The following RABL6 variants were observed in gnomAD, a reference collection of about 807,000 sequenced individuals.
RABL6 encodes rab-like protein 6.
In RABL6, 28 loss-of-function variants were observed where a neutral mutation model predicts 72.9. That is an observed-to-expected ratio of 0.38 (90% CI 0.28 to 0.53). RABL6 has a LOEUF of 0.53. RABL6 is among the 20% of genes least tolerant of loss of function. The pLI is 0.80. For missense variants in RABL6, 1,029 were observed against 1,008.4 expected (o/e 1.02, Z -0.28); for synonymous variants, 477 against 421.2 (o/e 1.13, Z -1.62).
In RABL6 at chr9:136,811,222, C is replaced by T. The variant is rs538579153; in HGVS notation, c.130+2896C>T. 3.9e-4 allele frequency among the ~76,000 whole-genome samples: 60 copies of T among 152,298 alleles called. No homozygotes were observed. The South Asian group carries it at 6.2e-3, about 16-fold the overall frequency. On this transcript the variant is annotated intron_variant, in intron 1 of 14. Coordinates refer to ENST00000311502, the MANE Select transcript of RABL6 (RefSeq NM_024718.5). ...ACAGCTTGGTTTTATACATTTTAGACATGAGACAGTAATCAAATACATTTA... is the reference window on the plus strand; with the variant it reads ...ACAGCTTGGTTTTATACATTTTAGATATGAGACAGTAATCAAATACATTTA...
intron 1 of RABL6, among the ~76,000 whole-genome samples, chr9:136,818,264 G>A (rs1161706616): frequency 6.7e-6 from 1 of 149,468 alleles, no homozygotes; most frequent in Non-Finnish European, 1.5e-5. Context: ...TTAGGAGGCT[G>A]AGGCAGGAGA....
intron 1 of RABL6, among the ~76,000 whole-genome samples, chr9:136,822,507 C>T (rs1848259391): frequency 6.6e-6 from 1 of 152,292 alleles, no homozygotes; most frequent in African/African-American, 2.4e-5. Context: ...CACAGCTTCT[C>T]GGTCATTCTC....
At position 136,837,369 on chromosome 9, in the gene RABL6, G is replaced by A. The variant is rs769570974; in HGVS notation, c.833G>A (p.Arg278His). 14 of 1,601,374 alleles carry A rather than the reference G, an allele frequency of 8.7e-6. No homozygotes were observed. Among genetic ancestry groups the A allele is most frequent in the South Asian group, 3.4e-5 (3 of 89,290 alleles). The change falls in exon 9 of 15, where the codon CGC (arginine) becomes CAC (histidine). Residue 278 changes from arginine (R) to histidine (H), a missense_variant. Physicochemically the swap from Arg to His is conservative, Grantham distance 29. Coordinates refer to ENST00000311502, the MANE Select transcript of RABL6 (RefSeq NM_024718.5). ...AGCTTCCTGGAGATGATGGAGGCTC[G>A]CAGCCGTGGCCATGCGTCCCCACTG... ...YGIFLEMMEA[R>H]SRGHASPLAA...
rs1848342086 is a variant in RABL6, at chr9:136,825,765, TCTCC to T, written c.266-11_266-8del. ...TCATGTTGGGCACTAATTTTAGGAT[TCTCC>T]CTGTTTCAGCCACGGATGACATCGT... is the stretch of plus-strand genomic sequence containing the variant. On this transcript the variant is annotated splice_polypyrimidine_tract_variant and intron_variant, in intron 2 of 14. Transcript: ENST00000311502. 2.5e-6 allele frequency: 4 copies of T among 1,612,966 alleles called. No individual in the cohort carries two copies. Among genetic ancestry groups the T allele is most frequent in the Non-Finnish European group, 2.5e-6 (3 of 1,179,020 alleles).
At chr9:136,832,861 T>A in intron 7 of RABL6, 1 of 318,054 alleles carries the variant, frequency 3.1e-6, no homozygotes, top group Non-Finnish European at 6.1e-6. Context: ...GCCTACGGAC[T>A]AAACTCACTT....
intron 7 of RABL6, chr9:136,834,076 T>A: frequency 7.1e-7 from 1 of 1,417,450 alleles, no homozygotes; most frequent in Non-Finnish European, 9.2e-7. Context: ...GCTATGGATG[T>A]GTTCAAGCAG....
rs1406950927 is a variant in RABL6 at position 136,826,545 on chromosome 9, G to C, written c.313+719G>C. 6.6e-6 allele frequency: 1 copy of C among 152,524 alleles called. No individual in the cohort carries two copies. The highest frequency in any genetic ancestry group is 1.5e-5 in the Non-Finnish European group (1 of 68,304). 9.4% of individuals were successfully genotyped at this position (152,524 alleles called of 1,614,324 possible). The stretch of plus-strand genomic sequence containing the variant: ...CGCATGCTCCCCTCCCTCCACCTGT[G>C]CTTTGTTGGGGTGGGTTTGGCCATG... On this transcript the variant is annotated intron_variant, in intron 3 of 14. Transcript: ENST00000311502. The surrounding 1 kb of genome is among the most constrained non-coding windows in gnomAD (Gnocchi z 4.9).
intron 1 of RABL6, chr9:136,808,780 C>T (rs142653434): frequency 6.6e-6 from 1 of 152,356 alleles, no homozygotes; most frequent in African/African-American, 2.4e-5. Flanking sequence ...CGGGATTTTT[C>T]TTTGTTGACT....
chr9:136,815,105 C>T (rs1213204771), intron 1 of RABL6: 2 of 232,810 alleles, frequency 8.6e-6, no homozygotes, highest in Non-Finnish European at 1.7e-5. Context: ...GGCAGGGGCA[C>T]CCGCTGCTGC....
At position 136,839,486 on chromosome 9, in the gene RABL6, G is replaced by A. The variant is rs761125142; in HGVS notation, c.1758G>A (p.Ala586=). ...AGGGATCAGACACACAGCGCAGGGC[G>A]GTAAGACGAGTCCTCCCGGGGCAGA... ...ESEGSDTQRR[A]DDFPVRDDPS... Residue 586 remains alanine (A), a splice_region_variant and synonymous_variant, in exon 12 of 15, where the codon GCG becomes GCA. Transcript: ENST00000311502. The A allele has an allele frequency of 1.4e-5, 22 of 1,607,216 alleles. No individual in the cohort carries two copies. The highest frequency in any genetic ancestry group is 3.3e-4 in the Middle Eastern group (2 of 6,038).
intron 2 of RABL6, among the ~76,000 whole-genome samples, chr9:136,824,174 T>C (rs1848301696): frequency 6.6e-6 from 1 of 151,784 alleles, no homozygotes; most frequent in South Asian, 2.1e-4. Context: ...TGGGCCTGGG[T>C]AGATGCGGGA....
At chr9:136,832,406 G>C in intron 7 of RABL6, 36 bp downstream of exon 7, 2 of 1,496,980 alleles carry the variant, frequency 1.3e-6, no homozygotes, top group Non-Finnish European at 9.3e-7. Context: ...GTGGCTGCTG[G>C]TCTCTCACCT....
At position 136,840,328 on chromosome 9, in the gene RABL6, G is replaced by A. The variant is rs928094095; in HGVS notation, c.1996G>A (p.Glu666Lys). 1.9e-6 allele frequency: 3 copies of A among 1,582,350 alleles called. No homozygotes were observed. The highest frequency in any genetic ancestry group is 1.1e-5 in the South Asian group (1 of 88,094). ...KKKKKGKEEE[E>K]KAAKKKSKHK... is the part of the protein sequence containing the mutation. Reference sequence around the variant, plus strand: ...CCATCCTTGTGCTCCTCAGGAAGAAGAAAAAGCTGCCAAGAAGAAGAGCAA... The same window carrying A: ...CCATCCTTGTGCTCCTCAGGAAGAAAAAAAAGCTGCCAAGAAGAAGAGCAA... The change falls in exon 15 of 15, where the codon GAA (glutamate) becomes AAA (lysine). Residue 666 changes from glutamate (E) to lysine (K), a missense_variant. Physicochemically the swap from Glu to Lys is moderately conservative, Grantham distance 56. Around this residue, in one of 2 missense-constraint regions of RABL6, gnomAD observed 595 missense variants for 472.4 expected, o/e 1.26. Coordinates refer to ENST00000311502, the MANE Select transcript of RABL6 (RefSeq NM_024718.5).
chr9:136,829,187 A>G (rs927352247), intron 4 of RABL6, among the ~76,000 whole-genome samples: 6 of 152,240 alleles, frequency 3.9e-5, no homozygotes, highest in Admixed American at 1.3e-4. Flanking sequence ...TTGTTCAGGG[A>G]GCCATCAGCG....
chr9:136,823,087 CA>C (rs11296242), intron 1 of RABL6, among the ~76,000 whole-genome samples: 97,230 of 122,676 alleles, frequency 0.79, 37,406 homozygotes, highest in East Asian at 0.85. Flanking sequence ...GACTCCGTCT[CA>C]AAAAAAAAAA....
chr9:136,823,025 T>C (rs1334878428), intron 1 of RABL6, among the ~76,000 whole-genome samples: 2 of 150,870 alleles, frequency 1.3e-5, no homozygotes, highest in Admixed American at 6.6e-5. Context: ...GAGGTGGAGC[T>C]TGCAGTGAGC....
intron 1 of RABL6, chr9:136,821,987 G>C (rs887685680): frequency 1.6e-6 from 2 of 1,289,720 alleles, no homozygotes; most frequent in Non-Finnish European, 2.0e-6. Context: ...GAAAGTTGGC[G>C]CGTTGAGGTA....
intron 13 of RABL6, 66 bp downstream of exon 13, chr9:136,839,931 G>C: frequency 6.5e-7 from 1 of 1,550,346 alleles, no homozygotes; most frequent in Non-Finnish European, 8.7e-7. Context: ...CCTCCTCCCA[G>C]CTGCTGGCCG....
At chr9:136,825,911 A>T in intron 3 of RABL6, 85 bp downstream of exon 3, 1 of 1,473,274 alleles carries the variant, frequency 6.8e-7, no homozygotes, top group Non-Finnish European at 9.5e-7. Flanking sequence ...CCCGGCGCCC[A>T]TGCATCACCC....
Sources: allele counts gnomAD v4.1 joint callset (sites outside exome capture counted in the v4.1 genomes callset), GRCh38; gene constraint gnomAD v4.1.1; regional missense constraint gnomAD v4.1.1; non-coding constraint Gnocchi (gnomAD v3.1); transcripts MANE v1.5; gene names NCBI Gene and HGNC (gene_info 2026-07-23, HGNC 2026-07-21).